The following SPPL2B variants were observed in gnomAD, a reference collection of about 807,000 sequenced individuals.
SPPL2B encodes signal peptide peptidase like 2B.
SPPL2B carries 39 observed loss-of-function variants against 59.7 expected under a neutral mutation model. That is an observed-to-expected ratio of 0.65 (90% confidence interval 0.51 to 0.85). The LOEUF (loss-of-function observed/expected upper bound fraction) is 0.85, where lower values mean the gene tolerates loss of function less well. Among genes scored for constraint, SPPL2B ranks in the 40% least tolerant of loss-of-function variants. The probability of loss-of-function intolerance (pLI) is 0.00; values close to 1 mark genes in which losing one functional copy is unlikely to be tolerated. For missense variants in SPPL2B, 865 were observed against 849.0 expected (o/e 1.02, Z -0.23); for synonymous variants, 419 against 370.8 (o/e 1.13, Z -1.49).
At chr19:2,343,869 A>C in intron 9 of SPPL2B, 96 bp from the exon 10 acceptor site, 2 of 927,810 alleles carry the variant, frequency 2.2e-6, no homozygotes, top group Non-Finnish European at 3.4e-6. Context: ...GTTCCTTTAA[A>C]GGCTGCCTCC....
intron 10 of SPPL2B, 80 bp downstream of exon 10, chr19:2,344,119 CATCACCCCGCCCCCTCG>C: frequency 1.2e-6 from 1 of 816,630 alleles, no homozygotes; most frequent in South Asian, 1.6e-5. Context: ...TCACCCCCCC[CATCACCCCGCCCCCTCG>C]TCCCGCCCCC....
chr19:2,345,871 G>A (rs887725065), intron 13 of SPPL2B, among the ~76,000 whole-genome samples: 4 of 135,598 alleles, frequency 2.9e-5, no homozygotes, highest in Admixed American at 1.5e-4. Context: ...CTGTGCCTCC[G>A]TCCCCGTCTT....
At chr19:2,341,265 G>A (rs142994384) in intron 8 of SPPL2B, 118 of 660,180 alleles carry the variant, frequency 1.8e-4, no homozygotes, top group African/African-American at 1.7e-3. Context: ...CTGTGGCCAG[G>A]AGCCACGTCC....
Position 2,344,372 on chromosome 19 carries a change from G to T in SPPL2B, c.1124G>T (p.Ser375Ile), listed in dbSNP as rs1408489160. Residue 375 changes from serine (S) to isoleucine (I), a missense_variant, in exon 11 of 15, where the codon AGC becomes ATC. Transcript: ENST00000613503. ...ITPFLTKSGSSIMVEVATGPS... is the reference protein window; with the variant it reads ...ITPFLTKSGSIIMVEVATGPS... ...CCCCATTCTGTGCAGAGTGGGAGCA[G>T]CATCATGGTGGAGGTGGCCACTGGG... 3 of 1,440,176 alleles carry T rather than the reference G, an allele frequency of 2.1e-6. No individual in the cohort carries two copies. The highest frequency in any genetic ancestry group is 2.8e-6 in the Non-Finnish European group (3 of 1,079,692). The allele number at this position is 1,440,176 out of a possible 1,614,324, so 89.2% of individuals were successfully genotyped here.
intron 13 of SPPL2B, among the ~76,000 whole-genome samples, chr19:2,350,440 A>C (rs2145207056): frequency 6.9e-6 from 1 of 144,814 alleles, no homozygotes; most frequent in Non-Finnish European, 1.5e-5. Flanking sequence ...TCGCGCTCTC[A>C]TTCGCTTGAT....
At position 2,345,162 on chromosome 19, in the gene SPPL2B, C is replaced by T. The variant is rs1969293868; in HGVS notation, c.1277-91C>T. 3.8e-6 allele frequency: 4 copies of T among 1,060,220 alleles called. No individual in the cohort carries two copies. In the African/African-American group the frequency reaches 4.7e-5, roughly 13 times the overall value. 65.7% of individuals were successfully genotyped at this position (1,060,220 alleles called of 1,614,324 possible). ...CAGGCAGCGAGAGGCCCACGGCGCC[C>T]ACAGGTGCTCAGGTGCCCGCCCGCT... On this transcript the variant is annotated intron_variant, in intron 12 of 14. Transcript: ENST00000613503.
At chr19:2,344,704 G>A (rs1969270600) in intron 12 of SPPL2B, 52 bp downstream of exon 12, 3 of 1,243,946 alleles carry the variant, frequency 2.4e-6, no homozygotes, top group Non-Finnish European at 3.5e-6. Flanking sequence ...AGGGCCCCGG[G>A]CGGCTGAGGT....
At chr19:2,337,224 C>T in intron 2 of SPPL2B, 1 of 472,290 alleles carries the variant, frequency 2.1e-6, no homozygotes, top group Non-Finnish European at 3.7e-6. Flanking sequence ...TCTGTGAGGA[C>T]TCCGGCCCCG....
intron 1 of SPPL2B, chr19:2,330,692 G>C (rs1022337500): frequency 6.6e-6 from 1 of 152,626 alleles, no homozygotes; most frequent in Admixed American, 6.5e-5. Context: ...GCAGTGGTGC[G>C]AGTGGCCCCA....
At chr19:2,331,848 C>T (rs892104786) in intron 1 of SPPL2B, among the ~76,000 whole-genome samples, 5 of 152,206 alleles carry the variant, frequency 3.3e-5, no homozygotes, top group African/African-American at 7.2e-5. Context: ...CTTCCAGAGC[C>T]GGAGACCCTT....
chr19:2,340,704 C>A (rs1388292317), intron 7 of SPPL2B, among the ~76,000 whole-genome samples, 194 bp from the exon 8 acceptor site: 1 of 152,050 alleles, frequency 6.6e-6, no homozygotes, highest in African/African-American at 2.4e-5. Flanking sequence ...GCCCCCAGCG[C>A]CTGCCCGGGT....
At chr19:2,334,753 A>G in intron 2 of SPPL2B, 32 bp downstream of exon 2, 4 of 1,510,384 alleles carry the variant, frequency 2.6e-6, no homozygotes, top group Non-Finnish European at 3.5e-6. Flanking sequence ...GCCGCTGCGG[A>G]GGAGAATGCG....
In SPPL2B at chr19:2,343,261, T is replaced by C; in HGVS notation, c.1007T>C (p.Met336Thr). The C allele has an allele frequency of 6.4e-7, 1 of 1,555,920 alleles. No homozygotes were observed. The highest frequency in any genetic ancestry group is 1.9e-5 in the Admixed American group (1 of 51,682). Residue 336 changes from methionine (M) to threonine (T), a missense_variant, in exon 9 of 15, where the codon ATG becomes ACG. By Grantham distance (81) the Met-to-Thr change is moderately conservative. Transcript: ENST00000613503. ...CTGGGCATCGCCTTCTGCCTCTACA[T>C]GCTGAAGACCATCCGTCTGCCCACC... ...DALGIAFCLY[M>T]LKTIRLPTFK...
chr19:2,348,274 G>A (rs1245460455), intron 13 of SPPL2B, among the ~76,000 whole-genome samples: 5 of 86,400 alleles, frequency 5.8e-5, no homozygotes, highest in African/African-American at 9.4e-5. Context: ...ACTCTTATTC[G>A]CCTGATTCCG....
chr19:2,347,763 A>ACC (rs1310929667), intron 13 of SPPL2B, among the ~76,000 whole-genome samples: 1 of 51,636 alleles, frequency 1.9e-5, no homozygotes, highest in Admixed American at 1.6e-4. Flanking sequence ...TTCTCTCTCC[A>ACC]CACACACACA....
chr19:2,344,509 G>T, intron 11 of SPPL2B, 44 bp from the exon 12 acceptor site: 3 of 1,584,756 alleles, frequency 1.9e-6, no homozygotes, highest in East Asian at 4.5e-5. Context: ...TCCCGCGGCC[G>T]GGTGAGGGTC....
rs751957531 is a variant in SPPL2B, at chr19:2,328,695, C to T, written c.-15C>T. ...GGGAAACATCTGCCGTTGGTTGCGG[C>T]GGGCACCGGCCGACATGGCGGCAGC... On this transcript the variant is annotated 5_prime_UTR_variant, in exon 1 of 15. Coordinates refer to ENST00000613503, the MANE Select transcript of SPPL2B (RefSeq NM_152988.3). 4.9e-6 allele frequency: 7 copies of T among 1,433,532 alleles called. No homozygotes were observed. The highest frequency in any genetic ancestry group is 5.7e-5 in the East Asian group (2 of 35,294). The allele number at this position is 1,433,532 out of a possible 1,614,324, so 88.8% of individuals were successfully genotyped here. A position where few individuals can be genotyped will look rare whatever the true frequency, so the allele number is the denominator to read the frequency against.
intron 1 of SPPL2B, 64 bp downstream of exon 1, chr19:2,328,839 G>T: frequency 7.7e-7 from 1 of 1,290,336 alleles, no homozygotes; most frequent in Non-Finnish European, 9.9e-7. Flanking sequence ...CTGTCCCCGG[G>T]CTACGCGCAG....
chr19:2,337,649 T>G, intron 3 of SPPL2B, 24 bp downstream of exon 3: 1 of 1,524,612 alleles, frequency 6.6e-7, no homozygotes, highest in Non-Finnish European at 8.8e-7. Flanking sequence ...CGTCCCCCGC[T>G]GGGCCAGCTC....
Sources: allele counts gnomAD v4.1 joint callset (sites outside exome capture counted in the v4.1 genomes callset), GRCh38; gene constraint gnomAD v4.1.1; transcripts MANE v1.5; gene names NCBI Gene and HGNC (gene_info 2026-07-23, HGNC 2026-07-21).